The following ARAP2 variants were observed in gnomAD, a reference collection of about 807,000 sequenced individuals.
ARAP2 encodes the protein arf-GAP with Rho-GAP domain, ANK repeat and PH domain-containing protein 2.
In ARAP2, 148 loss-of-function variants were observed where a neutral mutation model predicts 194.5. That is an observed-to-expected ratio of 0.76 (90% CI 0.67 to 0.87). The LOEUF (loss-of-function observed/expected upper bound fraction) is 0.87. ARAP2 is among the 40% of genes least tolerant of loss of function. The pLI is 0.00. For synonymous variants in ARAP2, 695 were observed against 683.5 expected, an observed-to-expected ratio of 1.02 and a Z score of -0.26; for missense variants, 2,128 against 1,989.7, an observed-to-expected ratio of 1.07 and a Z score of -1.32.
chr4:36,186,067 C>A (rs1289017128), intron 8 of ARAP2, among the ~76,000 whole-genome samples: 3 of 151,998 alleles, frequency 2.0e-5, no homozygotes, highest in African/African-American at 7.3e-5. Flanking sequence ...TGGCACATAT[C>A]AGGTATTCAG....
chr4:36,176,677 T>C (rs1737993028), intron 9 of ARAP2, among the ~76,000 whole-genome samples: 1 of 152,154 alleles, frequency 6.6e-6, no homozygotes, highest in African/African-American at 2.4e-5. Context: ...GTATACATTA[T>C]TAAACTATGC....
intron 2 of ARAP2, among the ~76,000 whole-genome samples, chr4:36,057,241 C>T (rs1363276232): frequency 1.3e-5 from 2 of 151,004 alleles, no homozygotes; most frequent in African/African-American, 4.9e-5. Flanking sequence ...AGGCCACTGT[C>T]ATTGTATTGT....
chr4:36,114,789 A>C (rs560518907), intron 25 of ARAP2, among the ~76,000 whole-genome samples: 10 of 152,002 alleles, frequency 6.6e-5, no homozygotes, highest in Non-Finnish European at 1.3e-4. Context: ...GGGATACCAA[A>C]GTATGCTGGA....
intron 20 of ARAP2, among the ~76,000 whole-genome samples, chr4:36,130,782 G>A (rs978956556): frequency 2.6e-5 from 4 of 151,804 alleles, no homozygotes; most frequent in Non-Finnish European, 5.9e-5. Flanking sequence ...TACTCAGCAC[G>A]TATTCAATAA....
At chr4:36,105,818 A>T (rs1718259775) in intron 27 of ARAP2, among the ~76,000 whole-genome samples, 1 of 151,998 alleles carries the variant, frequency 6.6e-6, no homozygotes, top group Non-Finnish European at 1.5e-5. Flanking sequence ...TTAGGATCTA[A>T]TTCTTATCCA....
Position 36,139,397 on chromosome 4 carries a change from T to A in ARAP2, c.3264-6008A>T, listed in dbSNP as rs767984855. Among the ~76,000 whole-genome samples the A allele has an allele frequency of 4.0e-5, 6 of 151,800 alleles. No individual in the cohort carries two copies. The East Asian group carries it at 1.2e-3, about 29-fold the overall frequency. Reference sequence around the variant, plus strand: ...ATGGTGATTTGTATCTTCTGTCCTATCTTCTAGTTAGAGTTTTATCAATTT... The same window carrying A: ...ATGGTGATTTGTATCTTCTGTCCTAACTTCTAGTTAGAGTTTTATCAATTT... On this transcript the variant is annotated intron_variant, in intron 19 of 32. Transcript: ENST00000303965.
chr4:36,119,255 T>C (rs1399671378), intron 24 of ARAP2, among the ~76,000 whole-genome samples: 1 of 151,534 alleles, frequency 6.6e-6, no homozygotes, highest in Non-Finnish European at 1.5e-5. Context: ...AGCAAAAGCA[T>C]ATAAGAAATA....
At chr4:36,192,270 T>C (rs1553936981) in intron 7 of ARAP2, among the ~76,000 whole-genome samples, 1 of 150,888 alleles carries the variant, frequency 6.6e-6, no homozygotes, top group Non-Finnish European at 1.5e-5. Flanking sequence ...TTTTTTAATA[T>C]TAAGCTAAAT....
chr4:36,124,628 C>G (rs1723440968), intron 22 of ARAP2, among the ~76,000 whole-genome samples: 1 of 151,836 alleles, frequency 6.6e-6, no homozygotes. Flanking sequence ...GCTTCCAAAC[C>G]AAGTGAGTTT....
intron 15 of ARAP2, among the ~76,000 whole-genome samples, chr4:36,157,003 A>C (rs1054225851): frequency 9.2e-5 from 14 of 152,210 alleles, no homozygotes; most frequent in African/African-American, 3.1e-4. Context: ...TGAGGTACTC[A>C]AGTAAATTTA....
At chr4:36,210,840 A>C in intron 5 of ARAP2, 97 bp from the exon 6 acceptor site, 1 of 917,472 alleles carries the variant, frequency 1.1e-6, no homozygotes. Context: ...TAACAGAAAC[A>C]TAAGGCCAGG....
chr4:36,191,226 A>G lies in ARAP2; in HGVS notation c.1557+2352T>C, dbSNP rs368538648. On this transcript the variant is annotated intron_variant, in intron 7 of 32. Coordinates refer to ENST00000303965, the MANE Select transcript of ARAP2 (RefSeq NM_015230.4). ...TAGTGAGATAATTAACTATTTGTTGAGGAAAATGTTACCATTAACCCATTT... is the reference window on the plus strand; with the variant it reads ...TAGTGAGATAATTAACTATTTGTTGGGGAAAATGTTACCATTAACCCATTT... Among the ~76,000 whole-genome samples, 36 of 152,334 alleles carry G rather than the reference A, an allele frequency of 2.4e-4. 1 individual carries two copies. The South Asian group carries it at 7.2e-3, about 31-fold the overall frequency.
At chr4:36,148,654 C>T in intron 16 of ARAP2, 147 bp from the exon 17 acceptor site, 3 of 622,120 alleles carry the variant, frequency 4.8e-6, no homozygotes, top group Non-Finnish European at 8.2e-6. Context: ...TAATGGTTTG[C>T]ATTTTATTCA....
chr4:36,062,268 C>T (rs1449853417), downstream of ARAP2, among the ~76,000 whole-genome samples: 1 of 152,126 alleles, frequency 6.6e-6, no homozygotes, highest in African/African-American at 2.4e-5. Context: ...GTTGCTGCTG[C>T]TAGGGGGTTG....
At chr4:36,167,719 T>C (rs1735611734) in intron 9 of ARAP2, among the ~76,000 whole-genome samples, 1 of 152,178 alleles carries the variant, frequency 6.6e-6, no homozygotes, top group Admixed American at 6.5e-5. Context: ...GCTACTTTGG[T>C]ATAAAAACTG....
At chr4:36,124,684 C>A (rs917602195) in intron 22 of ARAP2, among the ~76,000 whole-genome samples, 178 bp downstream of exon 22, 1 of 151,796 alleles carries the variant, frequency 6.6e-6, no homozygotes, top group Non-Finnish European at 1.5e-5. Flanking sequence ...ACACTGTATA[C>A]AATTATTTCT....
chr4:36,233,737 T>C (rs1358868287), intron 1 of ARAP2, among the ~76,000 whole-genome samples: 1 of 152,240 alleles, frequency 6.6e-6, no homozygotes, highest in Non-Finnish European at 1.5e-5. Context: ...GACTCGCACA[T>C]AGTGCCTAGC....
intron 9 of ARAP2, among the ~76,000 whole-genome samples, chr4:36,173,703 T>C (rs964774815): frequency 1.3e-5 from 2 of 152,124 alleles, no homozygotes; most frequent in Non-Finnish European, 2.9e-5. Flanking sequence ...AAAAAACTCT[T>C]CTGTGAAAAT....
At chr4:36,151,380 C>A (rs1156759116) in intron 15 of ARAP2, among the ~76,000 whole-genome samples, 1 of 152,066 alleles carries the variant, frequency 6.6e-6, no homozygotes, top group South Asian at 2.1e-4. Context: ...AAAACAAAAA[C>A]GTAGCATGAA....
Sources: allele counts gnomAD v4.1 joint callset (sites outside exome capture counted in the v4.1 genomes callset), GRCh38; gene constraint gnomAD v4.1.1; transcripts MANE v1.5; gene names NCBI Gene and HGNC (gene_info 2026-07-23, HGNC 2026-07-21).